LRRC37B: variants seen among roughly 807,000 people sequenced by gnomAD.
LRRC37B encodes the protein leucine rich repeat containing 37B.
Under a neutral mutation model 98.3 loss-of-function variants are expected in LRRC37B, and 28 were observed. That is an observed-to-expected ratio of 0.28 (90% CI 0.21 to 0.39). The LOEUF (loss-of-function observed/expected upper bound fraction) is 0.39. Ranked by LOEUF, LRRC37B falls within the 10% of genes least tolerant of loss-of-function variation. The probability of loss-of-function intolerance (pLI) is 1.00; values close to 1 mark genes in which losing one functional copy is unlikely to be tolerated. For synonymous variants in LRRC37B, 364 were observed against 442.7 expected (o/e 0.82, Z 2.23); for missense variants, 938 against 1,182.7 (o/e 0.79, Z 3.03).
intron 1 of LRRC37B, among the ~76,000 whole-genome samples, chr17:32,014,536 C>T (rs1172278476): frequency 6.6e-6 from 1 of 152,100 alleles, no homozygotes; most frequent in African/African-American, 2.4e-5. Flanking sequence ...GAAAATTATA[C>T]CAGTGGTAAT....
intron 1 of LRRC37B, among the ~76,000 whole-genome samples, chr17:32,012,758 T>G (rs969027514): frequency 6.6e-6 from 1 of 152,048 alleles, no homozygotes; most frequent in African/African-American, 2.4e-5. Context: ...GCCTCACGCC[T>G]GTAATCCCAG....
At chr17:32,014,355 T>C (rs1405048100) in intron 1 of LRRC37B, among the ~76,000 whole-genome samples, 3 of 152,154 alleles carry the variant, frequency 2.0e-5, no homozygotes, top group African/African-American at 7.2e-5. Flanking sequence ...GCAGAACATC[T>C]TTAAAGTACT....
chr17:32,021,422 A>C, exon 1 of LRRC37B: 1 of 1,613,780 alleles, frequency 6.2e-7, no homozygotes, highest in Non-Finnish European at 8.5e-7. Context: ...AACCAACTGA[A>C]AATTTGGCTC....
intron 7 of LRRC37B, chr17:32,040,607 C>A: frequency 1.3e-6 from 1 of 774,860 alleles, no homozygotes; most frequent in South Asian, 1.3e-5. Flanking sequence ...TGCAGCCCAA[C>A]CCAGCCTCAC....
At chr17:32,031,814 G>A (rs890629756) in intron 5 of LRRC37B, among the ~76,000 whole-genome samples, 1 of 151,740 alleles carries the variant, frequency 6.6e-6, no homozygotes, top group Non-Finnish European at 1.5e-5. Context: ...CACCAGCTTG[G>A]CCAACATAGT....
At chr17:32,049,188 C>G (rs879064676) in exon 10 of LRRC37B, 1 of 1,613,906 alleles carries the variant, frequency 6.2e-7, no homozygotes, top group Non-Finnish European at 8.5e-7. Context: ...TCATGTTATC[C>G]GGACCTTGAA....
chr17:32,023,157 T>C (rs2142242325), intron 1 of LRRC37B, among the ~76,000 whole-genome samples: 2 of 150,996 alleles, frequency 1.3e-5, no homozygotes. Context: ...GTTTTGCTCT[T>C]GTTGCACAGG....
rs552386233 is a variant in LRRC37B at position 32,052,977 on chromosome 17, G to A, written c.2863-289G>A. ...GTAAATAAATAAAGTATATGGGGGG[G>A]GGTGTGTTGGTTATATGCAGACACT... On this transcript the variant is annotated intron_variant, in intron 11 of 11. Coordinates refer to ENST00000327564, the Ensembl canonical transcript of LRRC37B. 3.2e-4 allele frequency: 92 copies of A among 289,686 alleles called. 1 individual carries two copies. Among genetic ancestry groups the A allele is most frequent in the African/African-American group, 2.0e-3 (90 of 44,048 alleles). The allele number at this position is 289,686 out of a possible 1,614,324, so 17.9% of individuals were successfully genotyped here.
At chr17:32,022,740 T>C (rs1910838643) in exon 1 of LRRC37B, 1 of 1,613,942 alleles carries the variant, frequency 6.2e-7, no homozygotes, top group Non-Finnish European at 8.5e-7. Flanking sequence ...TGAGACTCTG[T>C]CATGTGTTGG....
At chr17:32,010,752 G>C (rs1442672696) in intron 1 of LRRC37B, among the ~76,000 whole-genome samples, 2 of 152,116 alleles carry the variant, frequency 1.3e-5, no homozygotes, top group Non-Finnish European at 2.9e-5. Context: ...CTATCTGACT[G>C]TGCTTTTATG....
Position 32,041,169 on chromosome 17 carries a change from C to T in LRRC37B, c.2205-4531C>T, listed in dbSNP as rs548221557. 3.2e-4 allele frequency: 245 copies of T among 771,258 alleles called. 2 individuals carry two copies. In the African/African-American group the frequency reaches 3.4e-3, roughly 11 times the overall value. 47.8% of individuals were successfully genotyped at this position (771,258 alleles called of 1,614,324 possible). ...GCGCAGGATGCGGGAAGCTTCCTCA[C>T]GCCCCAAGCGGGAGTATAAGCCCAA... On this transcript the variant is annotated intron_variant, in intron 7 of 11. Transcript: ENST00000327564.
upstream of LRRC37B, among the ~76,000 whole-genome samples, chr17:32,019,861 A>T (rs1910723073): frequency 6.6e-6 from 1 of 152,000 alleles, no homozygotes; most frequent in Non-Finnish European, 1.5e-5. Flanking sequence ...ATTTTATTTT[A>T]TTTTTTTGAG....
chr17:32,034,854 T>C (rs1322310316), intron 5 of LRRC37B, 56 bp from the exon 9 acceptor site: 8 of 1,324,168 alleles, frequency 6.0e-6, no homozygotes, highest in Non-Finnish European at 8.6e-6. Flanking sequence ...ATAGACTTTT[T>C]ATGCAGTTTC....
intron 5 of LRRC37B, 42 bp downstream of exon 8, chr17:32,031,500 G>C (rs1256057694): frequency 2.6e-6 from 2 of 773,654 alleles, no homozygotes; most frequent in South Asian, 1.9e-5. Context: ...CGACTATTTT[G>C]TATAAAAACT....
At chr17:32,035,164 CG>C (rs1318170973) in intron 6 of LRRC37B, among the ~76,000 whole-genome samples, 183 bp downstream of exon 9, 1 of 151,852 alleles carries the variant, frequency 6.6e-6, no homozygotes, top group South Asian at 2.1e-4. Flanking sequence ...AGACAGCCAG[CG>C]GGGGAAGAGA....
intron 7 of LRRC37B, chr17:32,041,440 A>T (rs547853278): frequency 1.4e-6 from 1 of 721,322 alleles, no homozygotes; most frequent in South Asian, 1.4e-5. Context: ...AACCAGATCA[A>T]CGAGAACTGG....
At chr17:32,019,999 C>T (rs1387737476), upstream of LRRC37B, among the ~76,000 whole-genome samples, 1 of 152,134 alleles carries the variant, frequency 6.6e-6, no homozygotes, top group East Asian at 1.9e-4. Flanking sequence ...GCATGCACCA[C>T]CACGCCTGGC....
At chr17:32,012,914 G>C (rs1430771344) in intron 1 of LRRC37B, among the ~76,000 whole-genome samples, 1 of 152,196 alleles carries the variant, frequency 6.6e-6, no homozygotes, top group African/African-American at 2.4e-5. Context: ...CTACTTGGGA[G>C]GCTGAGGCAG....
chr17:32,031,524 G>A lies in LRRC37B; in HGVS notation c.2057+66G>A. On this transcript the variant is annotated intron_variant, in intron 5 of 11. Coordinates refer to ENST00000327564, the Ensembl canonical transcript of LRRC37B. ...TGTATAAAAACTCATACAATTATTG[G>A]TTAGCTGGGTATAAGCCCATTATGA... is the stretch of plus-strand genomic sequence containing the variant. 2 of 932,692 alleles carry A rather than the reference G, an allele frequency of 2.1e-6. 1 individual carries two copies. Among genetic ancestry groups the A allele is most frequent in the Non-Finnish European group, 3.1e-6 (2 of 651,882 alleles). The allele number at this position is 932,692 out of a possible 1,614,324, so 57.8% of individuals were successfully genotyped here.
Sources: gnomAD v4.1 joint callset for allele counts (sites outside exome capture counted in the v4.1 genomes callset) on GRCh38, gnomAD v4.1.1 for gene constraint, MANE v1.5 for transcripts, NCBI Gene and HGNC (gene_info 2026-07-23, HGNC 2026-07-21) for gene names.